The following EPS8L1 variants were observed in gnomAD, a reference collection of about 807,000 sequenced individuals.
EPS8L1 encodes the protein EPS8 signaling adaptor L1.
EPS8L1 carries 101 observed loss-of-function variants against 91.7 expected under a neutral mutation model. That is an observed-to-expected ratio of 1.10 (90% CI 0.94 to 1.30). EPS8L1 has a LOEUF of 1.30. EPS8L1 is among the 50% of genes most tolerant of loss of function. EPS8L1 has a pLI of 0.00. For synonymous variants in EPS8L1, 506 were observed against 445.3 expected (o/e 1.14, Z -1.72); for missense variants, 1,114 against 1,017.0 (o/e 1.10, Z -1.30).
In EPS8L1 at chr19:55,086,498, G is replaced by C. The variant is rs1459490066; in HGVS notation, c.1757G>C (p.Gly586Ala). The change falls in exon 17 of 20, where the codon GGC becomes GCC. Residue 586 changes from glycine (G) to alanine (A), a missense_variant. Coordinates refer to ENST00000201647, the MANE Select transcript of EPS8L1 (RefSeq NM_133180.3). ...PRWDSCDSLNGLDPSEKEKFS... is the reference protein window; with the variant it reads ...PRWDSCDSLNALDPSEKEKFS... ...TGGGACAGCTGCGATAGCCTCAACG[G>C]CTTGGACCCCAGCGAGAAGGGTGAG... The C allele has an allele frequency of 3.2e-6, 5 of 1,551,348 alleles. No homozygotes were observed. Among genetic ancestry groups the C allele is most frequent in the Non-Finnish European group, 4.4e-6 (5 of 1,146,972 alleles).
intron 18 of EPS8L1, 72 bp downstream of exon 18, chr19:55,086,960 G>A (rs1039232941): frequency 7.2e-7 from 1 of 1,398,036 alleles, no homozygotes; most frequent in African/African-American, 1.5e-5. Flanking sequence ...GATCGGCCGG[G>A]AGTCGGGGGG....
chr19:55,081,453 G>A lies in EPS8L1; in HGVS notation c.735G>A (p.Arg245=), dbSNP rs530549170. ...ADSASPDLGP[R]GPDLAVLQAE... The stretch of plus-strand genomic sequence containing the variant: ...CGGCCTCCCCGGACCTGGGTCCCCG[G>A]GGTCCTGACCTGGCGGTTCTGCAGG... The change falls in exon 8 of 20, where the codon CGG becomes CGA. Residue 245 remains arginine, a synonymous_variant. Transcript: ENST00000201647. The surrounding 1 kb of genome is among the most constrained non-coding windows in gnomAD (Gnocchi z 4.9). 2.3e-5 allele frequency: 37 copies of A among 1,603,712 alleles called. No homozygotes were observed. The African/African-American group carries it at 4.7e-4, about 20-fold the overall frequency.
Position 55,080,806 on chromosome 19 carries a change from T to C in EPS8L1, c.464T>C (p.Leu155Pro), listed in dbSNP as rs756335268. Residue 155 changes from leucine to proline, a missense_variant, in exon 7 of 20, where the codon CTG (leucine) becomes CCG (proline). Physicochemically the swap from Leu to Pro is moderately conservative, Grantham distance 98. Transcript: ENST00000201647. ...ELIREDIQGA[L>P]HNYRSGRGER... ...ATCCGAGAGGACATCCAGGGGGCTC[T>C]GCACAATTACCGCTCGGGCCGCGGG... is the stretch of plus-strand genomic sequence containing the variant. 6.2e-6 allele frequency: 10 copies of C among 1,612,136 alleles called. No homozygotes were observed. The East Asian group carries it at 2.2e-4, about 36-fold the overall frequency.
rs139826913 is a variant in EPS8L1 at position 55,080,734 on chromosome 19, CGGCGTGGGGA to C, written c.430-30_430-21del. The C allele has an allele frequency of 7.4e-4, 1,183 of 1,599,214 alleles. 11 individuals are homozygous for C. The African/African-American group carries it at 0.015, about 20-fold the overall frequency. On this transcript the variant is annotated intron_variant, in intron 6 of 19. Transcript: ENST00000201647. ...GCGAGGCCCGGGTAGGAAGTGGGTG[CGGCGTGGGGA>C]GGCGTGGCCTGACGGTGTGATTGGC...
In EPS8L1 at chr19:55,086,546, G is replaced by A. The variant is rs779229193; in HGVS notation, c.1777+28G>A. The A allele has an allele frequency of 8.4e-6, 13 of 1,549,798 alleles. No individual in the cohort carries two copies. The South Asian group carries it at 1.1e-4, about 13-fold the overall frequency. ...GAGTGGTGGGGACGCCGGCTGCGGG[G>A]AGCGGTCCTTATCCTTGCTTTCCAG... is the stretch of plus-strand genomic sequence containing the variant. On this transcript the variant is annotated intron_variant, in intron 17 of 19. Coordinates refer to ENST00000201647, the MANE Select transcript of EPS8L1 (RefSeq NM_133180.3).
In EPS8L1 at chr19:55,087,695, G is replaced by T; in HGVS notation, c.*81G>T. On this transcript the variant is annotated 3_prime_UTR_variant, in exon 20 of 20. Coordinates refer to ENST00000201647, the MANE Select transcript of EPS8L1 (RefSeq NM_133180.3). ...CAGACTCTCCCCAATAGCGGAAGTC[G>T]ATCTTCTGAAGGATGGCCAATCTGC... 2 of 1,459,274 alleles carry T rather than the reference G, an allele frequency of 1.4e-6. No individual in the cohort carries two copies. Among genetic ancestry groups the T allele is most frequent in the South Asian group, 2.4e-5 (2 of 84,006 alleles). The allele number at this position is 1,459,274 out of a possible 1,614,324, so 90.4% of individuals were successfully genotyped here.
rs201907908 is a variant in EPS8L1 at position 55,076,473 on chromosome 19, C to G, written c.17+12C>G. The G allele has an allele frequency of 3.7e-6, 6 of 1,611,136 alleles. No individual in the cohort carries two copies. The highest frequency in any genetic ancestry group is 5.1e-6 in the Non-Finnish European group (6 of 1,178,602). ...AGCACCGCCACAGGGTAAGCGCCCC[C>G]GGACCCCAGGTCCCAGCCCCAGCAC... On this transcript the variant is annotated intron_variant, in intron 2 of 19. Coordinates refer to ENST00000201647, the MANE Select transcript of EPS8L1 (RefSeq NM_133180.3).
At chr19:55,086,293 G>C in intron 16 of EPS8L1, 99 bp from the exon 17 acceptor site, 2 of 1,611,722 alleles carry the variant, frequency 1.2e-6, no homozygotes, top group Non-Finnish European at 1.7e-6. Flanking sequence ...GCTGGAGCAG[G>C]TGGTGACTGG....
At chr19:55,087,497 A>T in intron 19 of EPS8L1, 31 bp from the exon 20 acceptor site, 1 of 1,614,192 alleles carries the variant, frequency 6.2e-7, no homozygotes, top group Non-Finnish European at 8.5e-7. Context: ...CTCGGACGCC[A>T]GGACAAAGCG....
intron 16 of EPS8L1, 73 bp from the exon 17 acceptor site, chr19:55,086,319 T>C: frequency 1.9e-6 from 3 of 1,608,022 alleles, no homozygotes; most frequent in South Asian, 2.2e-5. Context: ...CAGAAATGCA[T>C]CTCCAGAAAG....
At chr19:55,077,736 C>A (rs1323736922) in intron 2 of EPS8L1, among the ~76,000 whole-genome samples, 3 of 150,898 alleles carry the variant, frequency 2.0e-5, no homozygotes, top group Non-Finnish European at 4.4e-5. Context: ...CTACAGGCGC[C>A]CACCACCACA....
At chr19:55,076,535 CTTGCGGCAGCCCAGACTGT>C (rs2076138849) in intron 2 of EPS8L1, 74 bp downstream of exon 2, 17 of 1,541,624 alleles carry the variant, frequency 1.1e-5, no homozygotes, top group African/African-American at 6.8e-5. Context: ...CCCACACCCG[CTTGCGGCAGCCCAGACTGT>C]TTGCGGCGGC....
At position 55,081,212 on chromosome 19, in the gene EPS8L1, T is replaced by C; in HGVS notation, c.513-19T>C. ...CCCCTCAGTGGACCCAGTCTTGGTG[T>C]CCCCGTCGCCCTCCGCAGGGCCACG... is the stretch of plus-strand genomic sequence containing the variant. On this transcript the variant is annotated intron_variant, in intron 7 of 19. Coordinates refer to ENST00000201647, the MANE Select transcript of EPS8L1 (RefSeq NM_133180.3). The surrounding 1 kb of genome is among the most constrained non-coding windows in gnomAD (Gnocchi z 4.9). 6.7e-7 allele frequency: 1 copy of C among 1,493,530 alleles called. No homozygotes were observed. Among genetic ancestry groups the C allele is most frequent in the Non-Finnish European group, 8.8e-7 (1 of 1,131,416 alleles). The allele number at this position is 1,493,530 out of a possible 1,614,324, so 92.5% of individuals were successfully genotyped here.
At position 55,081,550 on chromosome 19, in the gene EPS8L1, G is replaced by T. The variant is rs1019869464; in HGVS notation, c.774+58G>T. ...GCCAGGCGACTGGAGGCGGGGCTAG[G>T]GCGTGGAAGGGCGGGGCCGGCTGCG... is the stretch of plus-strand genomic sequence containing the variant. On this transcript the variant is annotated intron_variant, in intron 8 of 19. Coordinates refer to ENST00000201647, the MANE Select transcript of EPS8L1 (RefSeq NM_133180.3). This position sits in a 1 kb window ranked among gnomAD's most constrained non-coding sequence, Gnocchi z 4.9. The T allele has an allele frequency of 2.0e-6, 3 of 1,492,626 alleles. No individual in the cohort carries two copies. Among genetic ancestry groups the T allele is most frequent in the Middle Eastern group, 2.5e-4 (1 of 3,998 alleles). The allele number at this position is 1,492,626 out of a possible 1,614,324, so 92.5% of individuals were successfully genotyped here.
chr19:55,083,665 A>G lies in EPS8L1; in HGVS notation c.1385+21A>G. The G allele has an allele frequency of 3.8e-6, 6 of 1,587,848 alleles. No individual in the cohort carries two copies. The highest frequency in any genetic ancestry group is 5.1e-6 in the Non-Finnish European group (6 of 1,167,434). On this transcript the variant is annotated intron_variant, in intron 14 of 19. Transcript: ENST00000201647. This position sits in a 1 kb window ranked among gnomAD's most constrained non-coding sequence, Gnocchi z 4.7. ...AATGGGTGAGTGTCCGCCCCAGGGC[A>G]GGGCAAGGGGGTCAAGGAGGGGTGC...
rs1183168750 is a variant in EPS8L1 at position 55,083,569 on chromosome 19, G to C, written c.1357-47G>C. On this transcript the variant is annotated intron_variant, in intron 13 of 19. Transcript: ENST00000201647. This position sits in a 1 kb window ranked among gnomAD's most constrained non-coding sequence, Gnocchi z 4.7. Reference sequence around the variant, plus strand: ...CGAGGCTGGGAAGTCCGGGGGCGCGGCCGGTCCGCCTGGCCCCGCCTGACC... The same window carrying C: ...CGAGGCTGGGAAGTCCGGGGGCGCGCCCGGTCCGCCTGGCCCCGCCTGACC... 2 of 1,594,914 alleles carry C rather than the reference G, an allele frequency of 1.3e-6. No individual in the cohort carries two copies. The highest frequency in any genetic ancestry group is 3.5e-5 in the Admixed American group (2 of 56,820).
chr19:55,085,861 A>G lies in EPS8L1; in HGVS notation c.1406A>G (p.Glu469Gly). The change falls in exon 15 of 20, where the codon GAA becomes GGA. Residue 469 changes from glutamate (E) to glycine (G), a missense_variant. Coordinates refer to ENST00000201647, the MANE Select transcript of EPS8L1 (RefSeq NM_133180.3). ...CTCAGTCACCGAGACTTGGAGCCAG[A>G]ATCTGAGCCTCAGCTGGAGTCAGAG... The part of the protein sequence containing the change: ...AVNGHRDLEP[E>G]SEPQLESETA... 1 of 1,613,094 alleles carries G rather than the reference A, an allele frequency of 6.2e-7. No individual in the cohort carries two copies. The highest frequency in any genetic ancestry group is 8.5e-7 in the Non-Finnish European group (1 of 1,179,408).
intron 12 of EPS8L1, 111 bp downstream of exon 12, chr19:55,082,713 T>A: frequency 1.0e-6 from 1 of 990,754 alleles, no homozygotes; most frequent in Non-Finnish European, 1.5e-6. Context: ...AGGGAGGGGT[T>A]AGAGGCGTGG....
At position 55,081,341 on chromosome 19, in the gene EPS8L1, G is replaced by C; in HGVS notation, c.623G>C (p.Gly208Ala). The C allele has an allele frequency of 6.4e-7, 1 of 1,558,694 alleles. No homozygotes were observed. Among genetic ancestry groups the C allele is most frequent in the Non-Finnish European group, 8.6e-7 (1 of 1,157,020 alleles). ...ATCAGCACCGTAGAGCGGGGCGCGG[G>C]CCGCGGACGACCCCAGGCGAAGCCC... is the stretch of plus-strand genomic sequence containing the variant. ...AVISTVERGA[G>A]RGRPQAKPIP... Residue 208 changes from glycine (G) to alanine (A), a missense_variant, in exon 8 of 20, where the codon GGC (glycine) becomes GCC (alanine). Gly to Ala is a moderately conservative substitution (Grantham distance 60, BLOSUM62 0). Coordinates refer to ENST00000201647, the MANE Select transcript of EPS8L1 (RefSeq NM_133180.3). This position sits in a 1 kb window ranked among gnomAD's most constrained non-coding sequence, Gnocchi z 4.9.
Sources: allele counts gnomAD v4.1 joint callset (sites outside exome capture counted in the v4.1 genomes callset), GRCh38; gene constraint gnomAD v4.1.1; non-coding constraint Gnocchi (gnomAD v3.1); transcripts MANE v1.5; gene names NCBI Gene and HGNC (gene_info 2026-07-23, HGNC 2026-07-21).